OSBP2: variants seen among roughly 807,000 people sequenced by gnomAD.
OSBP2 encodes the protein oxysterol binding protein 2.
OSBP2 carries 66 observed loss-of-function variants against 96.0 expected under a neutral mutation model. That is an observed-to-expected ratio of 0.69 (90% CI 0.56 to 0.84). OSBP2 has a LOEUF of 0.84. Ranked by LOEUF, OSBP2 falls within the 40% of genes least tolerant of loss-of-function variation. OSBP2 has a pLI of 0.00. For missense variants in OSBP2, 1,038 were observed against 1,222.7 expected, an observed-to-expected ratio of 0.85 and a Z score of 2.25; for synonymous variants, 525 against 520.9, an observed-to-expected ratio of 1.01 and a Z score of -0.11.
chr22:30,837,585 T>C (rs571467087), intron 2 of OSBP2, among the ~76,000 whole-genome samples: 45 of 152,190 alleles, frequency 3.0e-4, no homozygotes, highest in Non-Finnish European at 6.0e-4. Context: ...ATGGAGTCCA[T>C]TGTCATTCCA....
chr22:30,753,888 G>A, intron 2 of OSBP2, among the ~76,000 whole-genome samples: 1 of 152,204 alleles, frequency 6.6e-6, no homozygotes, highest in Non-Finnish European at 1.5e-5. Flanking sequence ...GAATGCAGTG[G>A]CCTTTTCTCC....
intron 2 of OSBP2, among the ~76,000 whole-genome samples, chr22:30,781,608 C>G (rs1467031491): frequency 6.6e-6 from 1 of 152,154 alleles, no homozygotes; most frequent in African/African-American, 2.4e-5. Flanking sequence ...AATGGTGGCC[C>G]TGAGTGGACT....
chr22:30,730,716 GTCTCTCTC>G (rs1191165719), intron 1 of OSBP2, among the ~76,000 whole-genome samples: 279 of 19,868 alleles, frequency 0.014, 2 homozygotes, highest in African/African-American at 0.018. Context: ...TCGCTGCCCT[GTCTCTCTC>G]TCTCTCTCTC....
At chr22:30,695,704 C>A in intron 1 of OSBP2, 151 bp downstream of exon 1, 1 of 1,404,152 alleles carries the variant, frequency 7.1e-7, no homozygotes. Context: ...GCTTCTGGCC[C>A]GCCGCCAAGG....
At chr22:30,747,022 AAAAC>A (rs1156238632) in intron 2 of OSBP2, among the ~76,000 whole-genome samples, 2 of 152,226 alleles carry the variant, frequency 1.3e-5, no homozygotes, top group Admixed American at 6.5e-5. Flanking sequence ...CAACAACCAA[AAAAC>A]AAACAATGTA....
chr22:30,734,192 C>G (rs1329434286), intron 1 of OSBP2, among the ~76,000 whole-genome samples: 2 of 152,112 alleles, frequency 1.3e-5, no homozygotes, highest in Admixed American at 1.3e-4. Flanking sequence ...CCAGGCTGGT[C>G]TCGAACTCCT....
intron 2 of OSBP2, among the ~76,000 whole-genome samples, chr22:30,781,336 T>C (rs905565197): frequency 6.6e-6 from 1 of 152,032 alleles, no homozygotes; most frequent in African/African-American, 2.4e-5. Flanking sequence ...ATGGAAGTCA[T>C]GCTTCTCTCA....
At chr22:30,756,129 G>C (rs1259465915) in intron 2 of OSBP2, among the ~76,000 whole-genome samples, 2 of 152,158 alleles carry the variant, frequency 1.3e-5, no homozygotes, top group Non-Finnish European at 2.9e-5. Flanking sequence ...TACCCTTCCA[G>C]TGCCCTTCCA....
intron 5 of OSBP2, 69 bp from the exon 6 acceptor site, chr22:30,889,108 G>C (rs978438969): frequency 4.2e-5 from 58 of 1,374,132 alleles, no homozygotes; most frequent in Non-Finnish European, 5.8e-5. Flanking sequence ...TGTCTGGAGA[G>C]AGGATGGGCC....
intron 3 of OSBP2, among the ~76,000 whole-genome samples, chr22:30,872,694 CAG>C (rs1312246420): frequency 2.6e-5 from 4 of 152,226 alleles, no homozygotes; most frequent in Non-Finnish European, 4.4e-5. Flanking sequence ...GCTGTTGAAT[CAG>C]GGGCAGGGAG....
intron 3 of OSBP2, among the ~76,000 whole-genome samples, chr22:30,873,713 C>G (rs917280343): frequency 6.6e-6 from 1 of 152,236 alleles, no homozygotes; most frequent in Non-Finnish European, 1.5e-5. Flanking sequence ...AGGGCAGACC[C>G]TCTTCCTCGT....
At chr22:30,707,775 G>A (rs2089278413) in intron 1 of OSBP2, among the ~76,000 whole-genome samples, 1 of 151,440 alleles carries the variant, frequency 6.6e-6, no homozygotes, top group Non-Finnish European at 1.5e-5. Flanking sequence ...CTAGTATAAA[G>A]ACCCAACATG....
intron 2 of OSBP2, among the ~76,000 whole-genome samples, chr22:30,866,459 G>A (rs899243297): frequency 6.6e-6 from 1 of 152,192 alleles, no homozygotes; most frequent in Non-Finnish European, 1.5e-5. Context: ...TGTGTTCTGG[G>A]CCAGGCGCGG....
chr22:30,905,638 G>C (rs377372914), intron 12 of OSBP2, among the ~76,000 whole-genome samples, 199 bp from the exon 13 acceptor site: 174 of 152,390 alleles, frequency 1.1e-3, no homozygotes, highest in Non-Finnish European at 1.1e-3. Context: ...GTGGGGAGCA[G>C]AAGGCAGCTG....
At chr22:30,740,523 A>G (rs1323228950) in intron 1 of OSBP2, among the ~76,000 whole-genome samples, 3 of 152,260 alleles carry the variant, frequency 2.0e-5, no homozygotes, top group African/African-American at 4.8e-5. Flanking sequence ...TGTTTAAACT[A>G]TAAACTACAA....
chr22:30,786,344 A>T (rs1296290956), intron 2 of OSBP2, among the ~76,000 whole-genome samples: 3 of 152,110 alleles, frequency 2.0e-5, no homozygotes, highest in Non-Finnish European at 4.4e-5. Flanking sequence ...ATTTTAAGTC[A>T]GTTAATATTT....
intron 1 of OSBP2, among the ~76,000 whole-genome samples, chr22:30,705,261 A>G (rs1211478274): frequency 6.7e-6 from 1 of 149,668 alleles, no homozygotes; most frequent in Non-Finnish European, 1.5e-5. Flanking sequence ...TGCCACATGG[A>G]CCCCTTCCTC....
intron 2 of OSBP2, among the ~76,000 whole-genome samples, chr22:30,834,811 CTTTTCT>C (rs776439736): frequency 3.9e-4 from 59 of 150,118 alleles, no homozygotes; most frequent in South Asian, 3.4e-3. Flanking sequence ...CTTTTCTTTT[CTTTTCT>C]TTTTTTTTTC....
intron 3 of OSBP2, among the ~76,000 whole-genome samples, chr22:30,876,938 C>A (rs537734925): frequency 1.6e-4 from 25 of 152,238 alleles, no homozygotes; most frequent in Middle Eastern, 3.4e-3. Flanking sequence ...AGGTCAGGAA[C>A]ACCTCCCCTG....
Sources: gnomAD v4.1 joint callset for allele counts (sites outside exome capture counted in the v4.1 genomes callset) on GRCh38, gnomAD v4.1.1 for gene constraint, MANE v1.5 for transcripts, NCBI Gene and HGNC (gene_info 2026-07-23, HGNC 2026-07-21) for gene names.